Variants in CTNNA3 observed in about 807,000 individuals in gnomAD.
The protein encoded by CTNNA3 is catenin alpha-3.
CTNNA3 carries 76 observed loss-of-function variants against 95.7 expected under a neutral mutation model. That is an observed-to-expected ratio of 0.79 (90% confidence interval 0.66 to 0.96). The LOEUF (loss-of-function observed/expected upper bound fraction) is 0.96, where lower values mean the gene tolerates loss of function less well. CTNNA3 is among the 40% of genes least tolerant of loss of function. The probability of loss-of-function intolerance (pLI) is 0.00; values close to 1 mark genes in which losing one functional copy is unlikely to be tolerated. For synonymous variants in CTNNA3, 431 were observed against 374.4 expected (o/e 1.15, Z -1.74); for missense variants, 1,191 against 1,089.8 (o/e 1.09, Z -1.31).
chr10:66,371,235 T>C (rs1161484311), intron 12 of CTNNA3, among the ~76,000 whole-genome samples: 1 of 152,250 alleles, frequency 6.6e-6, no homozygotes, highest in Non-Finnish European at 1.5e-5. Flanking sequence ...GAAACCTCAG[T>C]ATATCACTGA....
intron 11 of CTNNA3, among the ~76,000 whole-genome samples, chr10:66,405,368 A>C (rs1236789827): frequency 2.0e-5 from 3 of 152,174 alleles, no homozygotes; most frequent in Non-Finnish European, 4.4e-5. Flanking sequence ...TATTAACAAT[A>C]AATTGCGTTA....
intron 15 of CTNNA3, among the ~76,000 whole-genome samples, chr10:66,004,376 T>C (rs890869089): frequency 6.6e-6 from 1 of 152,226 alleles, no homozygotes; most frequent in Non-Finnish European, 1.5e-5. Context: ...ATCTGGCATG[T>C]ATCTTTTTCT....
intron 11 of CTNNA3, among the ~76,000 whole-genome samples, chr10:66,405,611 A>G (rs1020446001): frequency 4.6e-5 from 7 of 152,140 alleles, no homozygotes; most frequent in African/African-American, 1.7e-4. Flanking sequence ...TGAAACCACA[A>G]AAACATCTCC....
chr10:66,719,845 G>A (rs551033260), intron 9 of CTNNA3, among the ~76,000 whole-genome samples: 97 of 152,170 alleles, frequency 6.4e-4, no homozygotes, highest in African/African-American at 2.0e-3. Context: ...TAGCAGCTAG[G>A]CACCAGTATA....
intron 4 of CTNNA3, among the ~76,000 whole-genome samples, chr10:67,531,839 GTGA>G (rs1288878170): frequency 6.6e-6 from 1 of 152,150 alleles, no homozygotes; most frequent in Non-Finnish European, 1.5e-5. Flanking sequence ...CCAGTGGGAG[GTGA>G]TTGAATTACA....
chr10:67,548,397 T>A (rs1445319452), intron 3 of CTNNA3, among the ~76,000 whole-genome samples: 1 of 152,148 alleles, frequency 6.6e-6, no homozygotes, highest in African/African-American at 2.4e-5. Flanking sequence ...AAAAATGGAC[T>A]AACACTTTTA....
Position 67,407,400 on chromosome 10 carries a change from G to A in CTNNA3, c.579+114442C>T, listed in dbSNP as rs114670319. 7.9e-3 allele frequency among the ~76,000 whole-genome samples: 1,209 copies of A among 152,208 alleles called. 26 individuals are homozygous for A. The highest frequency in any genetic ancestry group is 0.027 in the African/African-American group (1,141 of 41,522). The stretch of plus-strand genomic sequence containing the variant: ...ATGTAAAAAGCTCTCAATAAACTCG[G>A]TTTTGAAGGAACATACCTCTAAATA... On this transcript the variant is annotated intron_variant, in intron 5 of 17. Coordinates refer to ENST00000433211, the MANE Select transcript of CTNNA3 (RefSeq NM_013266.4).
chr10:66,049,973 AGGAACC>A (rs1329069308), intron 15 of CTNNA3, among the ~76,000 whole-genome samples: 1 of 152,206 alleles, frequency 6.6e-6, no homozygotes, highest in East Asian at 1.9e-4. Flanking sequence ...AAAAGTGTAT[AGGAACC>A]ACACACACAA....
At position 67,296,763 on chromosome 10, in the gene CTNNA3, G is replaced by A. The variant is rs561085969; in HGVS notation, c.580-76893C>T. On this transcript the variant is annotated intron_variant, in intron 5 of 17. Transcript: ENST00000433211. ...AGCCTGGCCAATGTGGTGAAACCCC[G>A]TCTTTACTAAAAATACAAAAAGTAG... Among the ~76,000 whole-genome samples the A allele has an allele frequency of 7.9e-5, 12 of 151,764 alleles. No individual in the cohort carries two copies. In the South Asian group the frequency reaches 8.4e-4, roughly 11 times the overall value.
intron 16 of CTNNA3, among the ~76,000 whole-genome samples, chr10:65,977,890 A>G (rs992978218): frequency 2.0e-5 from 3 of 152,228 alleles, no homozygotes; most frequent in African/African-American, 7.2e-5. Context: ...GAAAAGTACT[A>G]GGTGTCACTG....
chr10:66,825,667 C>T (rs1013729342), intron 7 of CTNNA3, among the ~76,000 whole-genome samples: 2 of 152,042 alleles, frequency 1.3e-5, no homozygotes, highest in Non-Finnish European at 2.9e-5. Context: ...CTTAAACCTA[C>T]ACTCAGCCTC....
At chr10:66,673,969 T>C (rs567137474) in intron 9 of CTNNA3, among the ~76,000 whole-genome samples, 1 of 152,052 alleles carries the variant, frequency 6.6e-6, no homozygotes, top group African/African-American at 2.4e-5. Flanking sequence ...CACAATAATA[T>C]CTAGATGTGA....
At chr10:67,271,024 G>A (rs373011032) in intron 5 of CTNNA3, among the ~76,000 whole-genome samples, 2 of 152,112 alleles carry the variant, frequency 1.3e-5, no homozygotes, top group Non-Finnish European at 2.9e-5. Context: ...ATGCAATCTA[G>A]TGGACTGTAA....
chr10:67,043,471 A>G (rs1297408086), intron 7 of CTNNA3, among the ~76,000 whole-genome samples: 1 of 152,106 alleles, frequency 6.6e-6, no homozygotes, highest in Non-Finnish European at 1.5e-5. Context: ...TTTTCCTCCT[A>G]AGCTGCATGT....
At chr10:66,960,854 G>C (rs531058496) in intron 7 of CTNNA3, among the ~76,000 whole-genome samples, 1 of 152,266 alleles carries the variant, frequency 6.6e-6, no homozygotes, top group South Asian at 2.1e-4. Context: ...TGTTGATAAA[G>C]CATAGGAGAA....
chr10:66,883,752 C>T lies in CTNNA3; in HGVS notation c.1048-108228G>A, dbSNP rs566568342. On this transcript the variant is annotated intron_variant, in intron 7 of 17. Coordinates refer to ENST00000433211, the MANE Select transcript of CTNNA3 (RefSeq NM_013266.4). ...CCCAAAGGAGTTAAATATTTTAACA[C>T]AACTACTCCTAATTATTTTAGTTTA... 3.9e-5 allele frequency among the ~76,000 whole-genome samples: 6 copies of T among 152,120 alleles called. No homozygotes were observed. The South Asian group carries it at 1.2e-3, about 32-fold the overall frequency.
rs139197659 is a variant in CTNNA3 at position 66,792,565 on chromosome 10, ACT to A, written c.1048-17043_1048-17042del. 8.4e-3 allele frequency among the ~76,000 whole-genome samples: 1,282 copies of A among 152,080 alleles called. 17 individuals carry two copies. The highest frequency in any genetic ancestry group is 0.029 in the African/African-American group (1,205 of 41,492). ...TGGAATACTCCAATCTAAATCCAACACTGTTCAGATACCCAGCATTTTCTGTT... is the reference window on the plus strand; with the variant it reads ...TGGAATACTCCAATCTAAATCCAACAGTTCAGATACCCAGCATTTTCTGTT... On this transcript the variant is annotated intron_variant, in intron 7 of 17. Coordinates refer to ENST00000433211, the MANE Select transcript of CTNNA3 (RefSeq NM_013266.4).
rs138398762 is a variant in CTNNA3 at position 66,308,046 on chromosome 10, GAA to G, written c.1733-27427_1733-27426del. ...GTCTCATTTGAGCAGGGTTTTCACT[GAA>G]GCATCATGTCTAAAACACATCTTTG... is the stretch of plus-strand genomic sequence containing the variant. On this transcript the variant is annotated intron_variant, in intron 12 of 17. Transcript: ENST00000433211. Among the ~76,000 whole-genome samples, 1,337 of 152,264 alleles carry G rather than the reference GAA, an allele frequency of 8.8e-3. 15 individuals are homozygous for G. Among genetic ancestry groups the G allele is most frequent in the African/African-American group, 0.03 (1,231 of 41,544 alleles).
chr10:66,894,198 T>TA (rs888239064), intron 7 of CTNNA3, among the ~76,000 whole-genome samples: 1 of 151,760 alleles, frequency 6.6e-6, no homozygotes, highest in South Asian at 2.1e-4. Context: ...TTTTTATAAT[T>TA]AAAAAAAAGA....
Sources: allele counts gnomAD v4.1 joint callset (sites outside exome capture counted in the v4.1 genomes callset), GRCh38; gene constraint gnomAD v4.1.1; transcripts MANE v1.5; gene names NCBI Gene and HGNC (gene_info 2026-07-23, HGNC 2026-07-21).